Variants in IPO11 observed in about 807,000 individuals in gnomAD.
The protein encoded by IPO11 is importin 11, also known as importin-11.
In IPO11, 66 loss-of-function variants were observed where a neutral mutation model predicts 143.2. That is an observed-to-expected ratio of 0.46 (90% CI 0.38 to 0.57). IPO11 has a LOEUF of 0.57. Ranked by LOEUF, IPO11 falls within the 20% of genes least tolerant of loss-of-function variation. The pLI, the probability that IPO11 is intolerant of heterozygous loss-of-function variation, is 0.00. For missense variants in IPO11, 1,026 were observed against 1,141.0 expected (o/e 0.90, Z 1.45); for synonymous variants, 385 against 377.8 (o/e 1.02, Z -0.22).
Position 62,443,086 on chromosome 5 carries a change from A to G in IPO11, c.239+3A>G, listed in dbSNP as rs1280599896. The G allele has an allele frequency of 1.9e-6, 3 of 1,570,436 alleles. No individual in the cohort carries two copies. Among genetic ancestry groups the G allele is most frequent in the African/African-American group, 2.7e-5 (2 of 73,716 alleles). ...TACTGGAGACGTGTAGCACCTCAGT[A>G]AGTTCCATCACTTCCCCTATTCCTT... is the stretch of plus-strand genomic sequence containing the variant. On this transcript the variant is annotated splice_donor_region_variant and intron_variant, in intron 3 of 29. Transcript: ENST00000325324.
chr5:62,435,210 G>GTATATATATGTGTATATATA (rs769669064), intron 1 of IPO11, among the ~76,000 whole-genome samples: 4 of 92,304 alleles, frequency 4.3e-5, no homozygotes, highest in Non-Finnish European at 4.1e-5. Context: ...GTATATATAT[G>GTATATATATGTGTATATATA]TGTATATATA....
intron 16 of IPO11, among the ~76,000 whole-genome samples, chr5:62,495,630 C>T (rs1741106124): frequency 1.3e-5 from 2 of 151,954 alleles, no homozygotes; most frequent in South Asian, 4.1e-4. Context: ...ACCACAACGC[C>T]TGGCTGATTT....
chr5:62,494,280 A>G (rs1164678193), intron 16 of IPO11, among the ~76,000 whole-genome samples, 156 bp downstream of exon 16: 1 of 152,102 alleles, frequency 6.6e-6, no homozygotes, highest in Non-Finnish European at 1.5e-5. Flanking sequence ...AGGGTAGAAA[A>G]TCTTTTGATT....
chr5:62,625,114 A>G (rs1465588819), intron 29 of IPO11, among the ~76,000 whole-genome samples: 3 of 152,216 alleles, frequency 2.0e-5, no homozygotes, highest in Non-Finnish European at 2.9e-5. Context: ...CATATGCCAC[A>G]TAACAAGGAA....
At chr5:62,524,819 G>A (rs923381259) in intron 20 of IPO11, among the ~76,000 whole-genome samples, 1 of 152,184 alleles carries the variant, frequency 6.6e-6, no homozygotes, top group East Asian at 1.9e-4. Flanking sequence ...TATATACTGT[G>A]TGGCATTGTA....
At chr5:62,559,201 G>A (rs1319615542) in intron 26 of IPO11, among the ~76,000 whole-genome samples, 1 of 152,082 alleles carries the variant, frequency 6.6e-6, no homozygotes, top group Non-Finnish European at 1.5e-5. Context: ...GAAGTTTGCT[G>A]CATCAATTGA....
At chr5:62,537,575 C>T (rs1742778271) in intron 24 of IPO11, among the ~76,000 whole-genome samples, 1 of 152,156 alleles carries the variant, frequency 6.6e-6, no homozygotes, top group African/African-American at 2.4e-5. Flanking sequence ...CTTGAGACCT[C>T]ACTTTGGGTA....
intron 26 of IPO11, among the ~76,000 whole-genome samples, chr5:62,552,473 G>GTT (rs74961561): frequency 9.5e-4 from 129 of 135,134 alleles, no homozygotes; most frequent in Middle Eastern, 4.0e-3. Context: ...ATATTTTTTA[G>GTT]TTTTTTTTTT....
At chr5:62,583,841 C>T (rs1744655494) in intron 27 of IPO11, among the ~76,000 whole-genome samples, 1 of 152,080 alleles carries the variant, frequency 6.6e-6, no homozygotes, top group Non-Finnish European at 1.5e-5. Flanking sequence ...ATTAATATAG[C>T]TAAGGAAGCT....
chr5:62,530,346 A>G (rs1170777539), intron 21 of IPO11, among the ~76,000 whole-genome samples: 1 of 152,184 alleles, frequency 6.6e-6, no homozygotes, highest in African/African-American at 2.4e-5. Flanking sequence ...TGTGTATGTG[A>G]AAAGTCAGCC....
intron 1 of IPO11, among the ~76,000 whole-genome samples, chr5:62,435,206 A>G (rs1211074405): frequency 1.0e-5 from 1 of 99,660 alleles, no homozygotes; most frequent in Non-Finnish European, 2.1e-5. Flanking sequence ...ATATGTATAT[A>G]TATGTGTATA....
intron 16 of IPO11, among the ~76,000 whole-genome samples, chr5:62,495,600 AG>A (rs1741104724): frequency 6.6e-6 from 1 of 152,092 alleles, no homozygotes; most frequent in Non-Finnish European, 1.5e-5. Context: ...TCAGCCTCCC[AG>A]GTATCTGGGA....
chr5:62,443,602 AAAAG>A (rs1433968977), intron 3 of IPO11, among the ~76,000 whole-genome samples: 1 of 152,012 alleles, frequency 6.6e-6, no homozygotes, highest in Non-Finnish European at 1.5e-5. Flanking sequence ...ATCTCAAGAA[AAAAG>A]AAAGAGAAAT....
At chr5:62,463,083 C>A (rs546552806) in intron 5 of IPO11, among the ~76,000 whole-genome samples, 12 of 152,122 alleles carry the variant, frequency 7.9e-5, no homozygotes, top group African/African-American at 2.9e-4. Context: ...TCACTCTTGT[C>A]CTGGCTGGAG....
intron 27 of IPO11, among the ~76,000 whole-genome samples, chr5:62,589,999 G>T (rs1028498846): frequency 3.9e-5 from 6 of 152,314 alleles, no homozygotes; most frequent in South Asian, 4.1e-4. Context: ...TAAGGTCGAA[G>T]TCGTCTCCAG....
At chr5:62,426,839 TACAAAACAG>T (rs1206199902) in intron 1 of IPO11, among the ~76,000 whole-genome samples, 1 of 149,294 alleles carries the variant, frequency 6.7e-6, no homozygotes, top group South Asian at 2.1e-4. Flanking sequence ...TTTCTCTAGT[TACAAAACAG>T]ACTAAGAGAG....
chr5:62,586,796 T>TATTC (rs1554057013), intron 27 of IPO11, among the ~76,000 whole-genome samples: 5 of 140,908 alleles, frequency 3.5e-5, no homozygotes, highest in Middle Eastern at 3.6e-3. Context: ...TATATATATA[T>TATTC]ATATATTCAT....
chr5:62,540,380 T>C (rs978709512), intron 24 of IPO11, among the ~76,000 whole-genome samples: 3 of 152,190 alleles, frequency 2.0e-5, no homozygotes, highest in Admixed American at 1.3e-4. Context: ...TTCTAAGTGA[T>C]TAAGAAAAGA....
intron 27 of IPO11, chr5:62,579,841 C>T (rs1454481157): frequency 9.7e-6 from 15 of 1,547,746 alleles, no homozygotes; most frequent in East Asian, 2.4e-5. Context: ...TTTAAATCTT[C>T]GTAATTTATA....
Sources: allele counts gnomAD v4.1 joint callset (sites outside exome capture counted in the v4.1 genomes callset), GRCh38; gene constraint gnomAD v4.1.1; transcripts MANE v1.5; gene names NCBI Gene and HGNC (gene_info 2026-07-23, HGNC 2026-07-21).